SHTN1: variants seen among roughly 807,000 people sequenced by gnomAD.
The protein encoded by SHTN1 is shootin 1.
SHTN1 carries 42 observed loss-of-function variants against 83.1 expected under a neutral mutation model. The observed-to-expected ratio is 0.51, with a 90% CI of 0.39 to 0.65. SHTN1 has a LOEUF of 0.65. SHTN1 is among the 30% of genes least tolerant of loss of function. SHTN1 has a pLI of 0.00. For synonymous variants in SHTN1, 224 were observed against 247.7 expected (o/e 0.90, Z 0.90); for missense variants, 622 against 737.8 (o/e 0.84, Z 1.82).
chr10:116,882,347 T>C lies in SHTN1; in HGVS notation c.*3997A>G, dbSNP rs891296929. ...AATGAATTAATATTCTCAAGGTTAT[T>C]AAATGCCCAGTTATTCATACCACAG... On this transcript the variant is annotated 3_prime_UTR_variant, in exon 17 of 17. Transcript: ENST00000355371. 43 of 150,934 alleles carry C rather than the reference T, an allele frequency of 2.8e-4. No individual in the cohort carries two copies. Among genetic ancestry groups the C allele is most frequent in the African/African-American group, 1.0e-3 (42 of 40,902 alleles). 9.3% of individuals were successfully genotyped at this position (150,934 alleles called of 1,614,324 possible).
chr10:116,881,533 C>CT lies in SHTN1; in HGVS notation c.*4810dup, dbSNP rs763733545. ...TAAATAGGTTTCAAAGAAGAACACACTTTTTTTTACTTTAATGAGGAAGCT... is the reference window on the plus strand; with the variant it reads ...TAAATAGGTTTCAAAGAAGAACACACTTTTTTTTTACTTTAATGAGGAAGCT... On this transcript the variant is annotated 3_prime_UTR_variant, in exon 17 of 17. Transcript: ENST00000355371. The CT allele has an allele frequency of 4.7e-5, 73 of 1,542,976 alleles. No individual in the cohort carries two copies. The highest frequency in any genetic ancestry group is 3.6e-4 in the Middle Eastern group (2 of 5,624).
chr10:116,927,972 C>T, intron 10 of SHTN1, 81 bp from the exon 11 acceptor site: 1 of 1,497,198 alleles, frequency 6.7e-7, no homozygotes, highest in Non-Finnish European at 9.1e-7. Flanking sequence ...AAGAACATAA[C>T]CTTTCTCAAA....
rs1428479409 is a variant in SHTN1, at chr10:117,040,923, TTATTA to T, written c.-123+7517_-123+7521del. Among the ~76,000 whole-genome samples, 5 of 151,848 alleles carry T rather than the reference TTATTA, an allele frequency of 3.3e-5. No homozygotes were observed. The East Asian group carries it at 5.8e-4, about 18-fold the overall frequency. On this transcript the variant is annotated intron_variant, in intron 2 of 17. Transcript: ENST00000392901. Reference sequence around the variant, plus strand: ...ATTTTTATACTCAACTCTTTTTCTTTTATTATATTTTATTTTATTTTATCTTAAAA... The same window carrying T: ...ATTTTTATACTCAACTCTTTTTCTTTTATTTTATTTTATTTTATCTTAAAA...
intron 1 of SHTN1, chr10:117,126,268 G>A: frequency 6.4e-6 from 1 of 157,248 alleles, no homozygotes; most frequent in Non-Finnish European, 1.4e-5. Flanking sequence ...CGTGGGTCGG[G>A]GCCCTGCCGC....
chr10:117,117,074 A>G (rs994724523), intron 1 of SHTN1, among the ~76,000 whole-genome samples: 6 of 152,174 alleles, frequency 3.9e-5, no homozygotes, highest in African/African-American at 1.4e-4. Flanking sequence ...AGGAAAAAGA[A>G]AAAAAGAAAC....
At chr10:117,089,068 G>T (rs1330611271) in intron 1 of SHTN1, among the ~76,000 whole-genome samples, 3 of 152,122 alleles carry the variant, frequency 2.0e-5, no homozygotes, top group Non-Finnish European at 4.4e-5. Context: ...CTAACCCATG[G>T]TAGGGCTGTA....
chr10:117,099,749 C>G (rs1028612029), intron 1 of SHTN1, among the ~76,000 whole-genome samples: 11 of 152,122 alleles, frequency 7.2e-5, no homozygotes, highest in Admixed American at 6.5e-5. Context: ...ACTTTATTGA[C>G]CATTTCCTTT....
chr10:116,980,275 C>T (rs943589803), intron 1 of SHTN1, among the ~76,000 whole-genome samples: 2 of 152,136 alleles, frequency 1.3e-5, no homozygotes, highest in African/African-American at 4.8e-5. Context: ...GGCACCAGAA[C>T]GTCAGTGAAT....
At chr10:117,037,755 C>A (rs1351636287) in intron 2 of SHTN1, among the ~76,000 whole-genome samples, 1 of 152,080 alleles carries the variant, frequency 6.6e-6, no homozygotes, top group East Asian at 1.9e-4. Context: ...CATCTGCAAT[C>A]CCAGCACTTT....
At chr10:117,109,365 C>T (rs1045793996) in intron 1 of SHTN1, among the ~76,000 whole-genome samples, 9 of 151,952 alleles carry the variant, frequency 5.9e-5, no homozygotes, top group African/African-American at 2.2e-4. Flanking sequence ...AGTAGACACT[C>T]AATACATGTA....
At chr10:117,008,896 C>T (rs60882013), upstream of SHTN1, among the ~76,000 whole-genome samples, 2,077 of 152,178 alleles carry the variant, frequency 0.014, 46 homozygotes, top group African/African-American at 0.041. Context: ...GGTGGATCAC[C>T]GGAGGTCAGG....
chr10:116,932,860 A>G (rs533414898), intron 9 of SHTN1, among the ~76,000 whole-genome samples: 29 of 152,296 alleles, frequency 1.9e-4, no homozygotes, highest in African/African-American at 5.8e-4. Context: ...TATATACAAC[A>G]ATTTAGTCCT....
In SHTN1 at chr10:116,990,322, A is replaced by G. The variant is rs547915849; in HGVS notation, c.59-11014T>C. On this transcript the variant is annotated intron_variant, in intron 1 of 16. Coordinates refer to ENST00000355371, the MANE Select transcript of SHTN1 (RefSeq NM_001127211.3). ...TTTTTTTTGGTGTGGTTTGTCATAA[A>G]AAGGAAAATCGTAAGAAGATTCTCC... Among the ~76,000 whole-genome samples the G allele has an allele frequency of 2.3e-3, 334 of 143,698 alleles. 1 individual carries two copies. Among genetic ancestry groups the G allele is most frequent in the Middle Eastern group, 3.7e-3 (1 of 270 alleles). 94.3% of individuals were successfully genotyped at this position (143,698 alleles called of 152,430 possible). A position where few individuals can be genotyped will look rare whatever the true frequency, so the allele number is the denominator to read the frequency against.
chr10:116,977,491 G>C (rs1850847940), intron 2 of SHTN1, among the ~76,000 whole-genome samples: 1 of 152,056 alleles, frequency 6.6e-6, no homozygotes, highest in South Asian at 2.1e-4. Flanking sequence ...AAGTTATCCA[G>C]CCTAAGCATT....
chr10:117,119,773 C>A (rs1424696158), intron 1 of SHTN1, among the ~76,000 whole-genome samples: 1 of 152,024 alleles, frequency 6.6e-6, no homozygotes, highest in African/African-American at 2.4e-5. Flanking sequence ...TTGGAAGCAA[C>A]CTAAGCGTCT....
intron 1 of SHTN1, among the ~76,000 whole-genome samples, chr10:117,059,754 C>T (rs1852872834): frequency 6.6e-6 from 1 of 152,102 alleles, no homozygotes; most frequent in Non-Finnish European, 1.5e-5. Context: ...CTGAACTGTT[C>T]TATATCTTGA....
At chr10:117,086,342 G>A (rs1853352870) in intron 1 of SHTN1, among the ~76,000 whole-genome samples, 1 of 152,144 alleles carries the variant, frequency 6.6e-6, no homozygotes, top group Non-Finnish European at 1.5e-5. Flanking sequence ...TATAAAGTGG[G>A]TTTCTTGTAG....
intron 14 of SHTN1, among the ~76,000 whole-genome samples, chr10:116,907,536 C>T (rs1293831723): frequency 6.6e-6 from 1 of 152,160 alleles, no homozygotes; most frequent in African/African-American, 2.4e-5. Context: ...AAGTATGTTA[C>T]AGAGTGAGAG....
chr10:117,121,275 C>T (rs758442508), intron 1 of SHTN1, among the ~76,000 whole-genome samples: 20 of 152,140 alleles, frequency 1.3e-4, no homozygotes, highest in African/African-American at 3.6e-4. Context: ...CTATAGATTA[C>T]GTATACAATT....
Sources: gnomAD v4.1 joint callset for allele counts (sites outside exome capture counted in the v4.1 genomes callset) on GRCh38, gnomAD v4.1.1 for gene constraint, MANE v1.5 for transcripts, NCBI Gene and HGNC (gene_info 2026-07-23, HGNC 2026-07-21) for gene names.